The following MACC1 variants were observed in gnomAD, a reference collection of about 807,000 sequenced individuals.
The protein encoded by MACC1 is metastasis-associated in colon cancer protein 1.
A neutral mutation model predicts 70.7 loss-of-function variants in MACC1; 79 were observed. That is an observed-to-expected ratio of 1.12 (90% confidence interval 0.93 to 1.35). The LOEUF is 1.35. Ranked by LOEUF, MACC1 falls within the 40% of genes most tolerant of loss-of-function variation. The pLI is 0.00. For missense variants in MACC1, 1,106 were observed against 978.1 expected, an observed-to-expected ratio of 1.13 and a Z score of -1.74; for synonymous variants, 361 against 347.2, an observed-to-expected ratio of 1.04 and a Z score of -0.44.
chr7:20,147,823 A>T (rs893026127), intron 6 of MACC1, among the ~76,000 whole-genome samples: 2 of 152,196 alleles, frequency 1.3e-5, no homozygotes, highest in Admixed American at 6.5e-5. Flanking sequence ...TTGCTAGTGC[A>T]TCTGCTTAAA....
At chr7:20,194,036 G>A (rs534018927) in intron 1 of MACC1, among the ~76,000 whole-genome samples, 3 of 152,220 alleles carry the variant, frequency 2.0e-5, no homozygotes, top group African/African-American at 4.8e-5. Context: ...TCTGATCTGC[G>A]GTGACTCCTC....
chr7:20,196,471 C>T (rs944204441), intron 1 of MACC1, among the ~76,000 whole-genome samples: 2 of 152,104 alleles, frequency 1.3e-5, no homozygotes, highest in Admixed American at 6.5e-5. Context: ...TGAGTCACTG[C>T]GCCCAGCCAA....
At chr7:20,197,121 C>T (rs1011859326) in intron 1 of MACC1, among the ~76,000 whole-genome samples, 13 of 152,148 alleles carry the variant, frequency 8.5e-5, no homozygotes, top group African/African-American at 2.9e-4. Context: ...AAGGTCCATC[C>T]CAATGTTGGC....
At chr7:20,170,688 C>G (rs1782290785) in intron 2 of MACC1, 26 bp downstream of exon 2, 1 of 152,170 alleles carries the variant, frequency 6.6e-6, no homozygotes, top group Admixed American at 6.5e-5. Flanking sequence ...AAGAGAAAAA[C>G]ACTCTGACAT....
chr7:20,214,383 C>A (rs1197110813), intron 1 of MACC1, among the ~76,000 whole-genome samples: 1 of 152,184 alleles, frequency 6.6e-6, no homozygotes, highest in South Asian at 2.1e-4. Context: ...TTGATATTCC[C>A]CCTACTTCAG....
In MACC1 at chr7:20,189,569, T is replaced by C. The variant is rs375314281; in HGVS notation, c.-217-18791A>G. 3.3e-5 allele frequency among the ~76,000 whole-genome samples: 5 copies of C among 152,336 alleles called. No homozygotes were observed. In the East Asian group the frequency reaches 7.7e-4, roughly 23 times the overall value. On this transcript the variant is annotated intron_variant, in intron 1 of 6. Coordinates refer to ENST00000400331, the MANE Select transcript of MACC1 (RefSeq NM_182762.4). ...ATCTAGTTCAAATGTGATATATACA[T>C]AGTTTGCCTGAATGGCTTTCCTGAA... is the stretch of plus-strand genomic sequence containing the variant.
chr7:20,175,788 A>G (rs919807564), intron 1 of MACC1, among the ~76,000 whole-genome samples: 5 of 152,140 alleles, frequency 3.3e-5, no homozygotes, highest in African/African-American at 1.2e-4. Flanking sequence ...TCTTGGCCCC[A>G]GTGATAAAAC....
intron 6 of MACC1, among the ~76,000 whole-genome samples, chr7:20,147,820 T>C (rs1781916014): frequency 6.6e-6 from 1 of 152,176 alleles, no homozygotes; most frequent in Non-Finnish European, 1.5e-5. Context: ...TCCTTGCTAG[T>C]GCATCTGCTT....
chr7:20,147,464 G>C lies in MACC1; in HGVS notation c.2347-6306C>G, dbSNP rs529033796. 5.9e-5 allele frequency: 9 copies of C among 152,328 alleles called. No homozygotes were observed. In the South Asian group the frequency reaches 1.7e-3, roughly 28 times the overall value. The allele number at this position is 152,328 out of a possible 1,614,324, so 9.4% of individuals were successfully genotyped here. A position where few individuals can be genotyped will look rare whatever the true frequency, so the allele number is the denominator to read the frequency against. Reference sequence around the variant, plus strand: ...ATTTTCAGTACCATTAGCTGAAGAAGTATTAAGGCAAGGTTGCCTTCTTAA... The same window carrying C: ...ATTTTCAGTACCATTAGCTGAAGAACTATTAAGGCAAGGTTGCCTTCTTAA... On this transcript the variant is annotated intron_variant, in intron 6 of 6. Coordinates refer to ENST00000400331, the MANE Select transcript of MACC1 (RefSeq NM_182762.4).
intron 1 of MACC1, among the ~76,000 whole-genome samples, chr7:20,202,573 T>G (rs1782848395): frequency 6.6e-6 from 1 of 152,204 alleles, no homozygotes; most frequent in Non-Finnish European, 1.5e-5. Flanking sequence ...TAATTGTTAT[T>G]CCCTTTCCAC....
rs761368153 is a variant in MACC1, at chr7:20,178,286, CACACACACACACT to C, written c.-217-7521_-217-7509del. ...TCACACACACACACACACACACACA[CACACACACACACT>C]CCAGAGAATAATTGATTCAATTTAT... is the stretch of plus-strand genomic sequence containing the variant. On this transcript the variant is annotated intron_variant, in intron 1 of 6. Transcript: ENST00000400331. Among the ~76,000 whole-genome samples the C allele has an allele frequency of 3.9e-4, 59 of 151,660 alleles. 1 individual carries two copies. The highest frequency in any genetic ancestry group is 1.6e-3 in the East Asian group (8 of 5,160).
intron 6 of MACC1, among the ~76,000 whole-genome samples, chr7:20,152,618 G>C (rs1268834915): frequency 6.6e-6 from 1 of 152,058 alleles, no homozygotes; most frequent in African/African-American, 2.4e-5. Flanking sequence ...GACACCTAGG[G>C]GCTTTCCTTT....
intron 1 of MACC1, 151 bp from the exon 2 acceptor site, chr7:20,170,929 A>G (rs1237649614): frequency 6.6e-6 from 1 of 152,234 alleles, no homozygotes; most frequent in Non-Finnish European, 1.5e-5. Flanking sequence ...CACACCATCC[A>G]ATTCATACAG....
chr7:20,159,637 C>T lies in MACC1; in HGVS notation c.724G>A (p.Ala242Thr). The T allele has an allele frequency of 6.2e-7, 1 of 1,614,158 alleles. No individual in the cohort carries two copies. Among genetic ancestry groups the T allele is most frequent in the South Asian group, 1.1e-5 (1 of 91,082 alleles). ...GACACCTCTTGGAATTCTCCCACAG[C>T]CACATGACCTTGGGGCACATGAACA... Reference protein sequence around the residue: ...ITVHVPQGHVAVGEFQEVSLR... With the variant: ...ITVHVPQGHVTVGEFQEVSLR... The change falls in exon 5 of 7, where the codon GCT (alanine) becomes ACT (threonine). Residue 242 changes from alanine to threonine, a missense_variant. Physicochemically the swap from Ala to Thr is moderately conservative, Grantham distance 58. Coordinates refer to ENST00000400331, the MANE Select transcript of MACC1 (RefSeq NM_182762.4).
Position 20,158,610 on chromosome 7 carries a change from C to T in MACC1, c.1751G>A (p.Gly584Asp). The T allele has an allele frequency of 1.2e-5, 19 of 1,614,014 alleles. No individual in the cohort carries two copies. The highest frequency in any genetic ancestry group is 1.6e-5 in the Non-Finnish European group (19 of 1,179,946). The change falls in exon 5 of 7, where the codon GGT becomes GAT. Residue 584 changes from glycine (G) to aspartate (D), a missense_variant. Transcript: ENST00000400331. ...GGACTGACCAATAGCTTTTACCTTACCTTCCCCGAGGAGAGCTATTGTGTC... is the reference window on the plus strand; with the variant it reads ...GGACTGACCAATAGCTTTTACCTTATCTTCCCCGAGGAGAGCTATTGTGTC... ...KGDTIALLGE[G>D]KVKAIGQSKV...
intron 1 of MACC1, among the ~76,000 whole-genome samples, chr7:20,204,544 C>G (rs182455576): frequency 8.5e-5 from 13 of 152,270 alleles, no homozygotes; most frequent in African/African-American, 3.1e-4. Flanking sequence ...GACATTGTGT[C>G]TCAATCCGAG....
intron 1 of MACC1, among the ~76,000 whole-genome samples, chr7:20,210,699 A>G (rs1007938152): frequency 7.2e-5 from 11 of 152,250 alleles, no homozygotes; most frequent in East Asian, 1.9e-4. Flanking sequence ...ACTGCCATCA[A>G]TGAGGAGGGA....
At chr7:20,205,361 A>C (rs1315694991) in intron 1 of MACC1, among the ~76,000 whole-genome samples, 1 of 152,238 alleles carries the variant, frequency 6.6e-6, no homozygotes, top group African/African-American at 2.4e-5. Flanking sequence ...TTCTTAAAAT[A>C]TATTTTCCAG....
chr7:20,151,042 T>C (rs1336758598), intron 6 of MACC1, among the ~76,000 whole-genome samples: 4 of 146,196 alleles, frequency 2.7e-5, no homozygotes, highest in African/African-American at 5.1e-5. Context: ...AGCCAGACAC[T>C]GTCTCAAAGG....
Sources: allele counts gnomAD v4.1 joint callset (sites outside exome capture counted in the v4.1 genomes callset), GRCh38; gene constraint gnomAD v4.1.1; transcripts MANE v1.5; gene names NCBI Gene and HGNC (gene_info 2026-07-23, HGNC 2026-07-21).